Variants in ADAMTSL1 observed in about 807,000 individuals in gnomAD.
ADAMTSL1 encodes ADAMTS like 1.
Under a neutral mutation model 201.8 loss-of-function variants are expected in ADAMTSL1, and 126 were observed. The observed-to-expected ratio is 0.62, with a 90% confidence interval of 0.54 to 0.72. The LOEUF (loss-of-function observed/expected upper bound fraction) is 0.72, where lower values mean the gene tolerates loss of function less well. Ranked by LOEUF, ADAMTSL1 falls within the 30% of genes least tolerant of loss-of-function variation. ADAMTSL1 has a pLI of 0.00. For missense variants in ADAMTSL1, 2,679 were observed against 2,277.8 expected, an observed-to-expected ratio of 1.18 and a Z score of -3.59; for synonymous variants, 1,121 against 903.4, an observed-to-expected ratio of 1.24 and a Z score of -4.32.
intron 25 of ADAMTSL1, chr9:18,890,909 A>T: frequency 4.2e-6 from 1 of 235,702 alleles, no homozygotes; most frequent in South Asian, 5.2e-5. Context: ...TGATGGTCAG[A>T]GTCAATCAGC....
Position 18,072,321 on chromosome 9 carries a change from A to G in ADAMTSL1, c.88-91541A>G, listed in dbSNP as rs923967599. Among the ~76,000 whole-genome samples the G allele has an allele frequency of 3.9e-5, 6 of 152,212 alleles. No individual in the cohort carries two copies. In the South Asian group the frequency reaches 8.3e-4, roughly 21 times the overall value. The stretch of plus-strand genomic sequence containing the variant: ...TTGCTGAGGGTGCAGCAACAGGAAT[A>G]AAACAAAGATGGCTGTCCAATGTGA... On this transcript the variant is annotated intron_variant, in intron 1 of 29. Coordinates refer to the ADAMTSL1 transcript ENST00000680146.
chr9:18,652,521 G>A (rs1303380636), intron 7 of ADAMTSL1, among the ~76,000 whole-genome samples: 1 of 152,134 alleles, frequency 6.6e-6, no homozygotes, highest in Non-Finnish European at 1.5e-5. Flanking sequence ...TATGCATTCA[G>A]TAGAAAATTT....
At position 18,120,452 on chromosome 9, in the gene ADAMTSL1, T is replaced by C. The variant is rs565449366; in HGVS notation, c.88-43410T>C. Among the ~76,000 whole-genome samples, 512 of 152,312 alleles carry C rather than the reference T, an allele frequency of 3.4e-3. 2 individuals are homozygous for C. Among genetic ancestry groups the C allele is most frequent in the Non-Finnish European group, 5.6e-3 (380 of 68,022 alleles). On this transcript the variant is annotated intron_variant, in intron 1 of 29. Coordinates refer to the ADAMTSL1 transcript ENST00000680146. ...GTGTCAGGACTAGAGGTAGGAATTG[T>C]TGGGGGGGACCCTGGAGGCTGCCTA...
At chr9:18,078,687 G>C (rs1039509034) in intron 1 of ADAMTSL1, among the ~76,000 whole-genome samples, 1 of 152,112 alleles carries the variant, frequency 6.6e-6, no homozygotes, top group Non-Finnish European at 1.5e-5. Flanking sequence ...GTAACCCCTA[G>C]GATGTAGGCA....
chr9:17,919,867 A>C (rs1384820925), intron 1 of ADAMTSL1, among the ~76,000 whole-genome samples: 1 of 152,116 alleles, frequency 6.6e-6, no homozygotes, highest in African/African-American at 2.4e-5. Flanking sequence ...TAAATAGTAC[A>C]CTATATTTAA....
intron 2 of ADAMTSL1, among the ~76,000 whole-genome samples, chr9:18,218,726 TG>T (rs141886172): frequency 0.021 from 3,214 of 152,184 alleles, 117 homozygotes; most frequent in African/African-American, 0.073. Flanking sequence ...TTTTTATTTA[TG>T]TTTTTGGAGC....
chr9:18,225,695 G>T (rs1830412441), intron 2 of ADAMTSL1, among the ~76,000 whole-genome samples: 1 of 152,030 alleles, frequency 6.6e-6, no homozygotes, highest in Admixed American at 6.6e-5. Flanking sequence ...GATTTGTTCA[G>T]AAGTATTTTT....
intron 7 of ADAMTSL1, among the ~76,000 whole-genome samples, chr9:18,641,669 G>T (rs776754): frequency 0.63 from 95,008 of 151,840 alleles, 30,033 homozygotes; most frequent in East Asian, 0.79. Context: ...AACTTTAAAA[G>T]GAGCCAGATT....
intron 2 of ADAMTSL1, among the ~76,000 whole-genome samples, chr9:18,211,820 T>C (rs555003045): frequency 6.6e-6 from 1 of 152,218 alleles, no homozygotes; most frequent in Non-Finnish European, 1.5e-5. Flanking sequence ...GAAAATCAGA[T>C]AGTGAAACTT....
In ADAMTSL1 at chr9:18,754,403, A is replaced by G. The variant is rs147000652; in HGVS notation, c.2217+895A>G. ...AATCTTATTTTGCAGTTTGCTCCCTATTAGGACATAAGACACTGCTTTAAA... is the reference window on the plus strand; with the variant it reads ...AATCTTATTTTGCAGTTTGCTCCCTGTTAGGACATAAGACACTGCTTTAAA... On this transcript the variant is annotated intron_variant, in intron 16 of 28. Transcript: ENST00000380548. 1.0e-3 allele frequency among the ~76,000 whole-genome samples: 154 copies of G among 152,286 alleles called. 1 individual carries two copies. The highest frequency in any genetic ancestry group is 1.3e-3 in the Non-Finnish European group (88 of 68,014).
chr9:18,701,837 T>C (rs905676698), intron 13 of ADAMTSL1, among the ~76,000 whole-genome samples: 10 of 151,926 alleles, frequency 6.6e-5, no homozygotes, highest in Admixed American at 6.5e-4. Context: ...AAAACAAACA[T>C]ATATGAGAAA....
At chr9:18,153,860 A>G (rs1031919663) in intron 1 of ADAMTSL1, among the ~76,000 whole-genome samples, 1 of 152,006 alleles carries the variant, frequency 6.6e-6, no homozygotes, top group African/African-American at 2.4e-5. Context: ...ACTTATATTG[A>G]GGAAGGAGAT....
At chr9:18,305,189 T>G (rs1276384776) in intron 2 of ADAMTSL1, among the ~76,000 whole-genome samples, 1 of 152,208 alleles carries the variant, frequency 6.6e-6, no homozygotes, top group African/African-American at 2.4e-5. Flanking sequence ...TACTATGCTT[T>G]TCCCATGGTC....
intron 11 of ADAMTSL1, 25 bp downstream of exon 11, chr9:18,680,541 C>A: frequency 6.2e-7 from 1 of 1,611,052 alleles, no homozygotes; most frequent in South Asian, 1.1e-5. Flanking sequence ...TTTCTTTGTT[C>A]ATTAGGAGAG....
intron 1 of ADAMTSL1, among the ~76,000 whole-genome samples, chr9:17,937,255 G>A (rs914278114): frequency 6.6e-6 from 1 of 152,104 alleles, no homozygotes; most frequent in Admixed American, 6.5e-5. Context: ...ATGTTGGCCT[G>A]ATCATTCATC....
chr9:18,500,722 T>A (rs1822786122), intron 1 of ADAMTSL1, among the ~76,000 whole-genome samples: 1 of 152,216 alleles, frequency 6.6e-6, no homozygotes, highest in Non-Finnish European at 1.5e-5. Context: ...AAATAGTTGC[T>A]GTAATAAGAA....
intron 1 of ADAMTSL1, among the ~76,000 whole-genome samples, chr9:18,476,565 C>T (rs542663672): frequency 2.0e-5 from 3 of 152,128 alleles, no homozygotes; most frequent in Non-Finnish European, 4.4e-5. Flanking sequence ...AGATTGTGAC[C>T]TTTAGCCTGT....
rs56662538 is a variant in ADAMTSL1, at chr9:18,655,806, T to TAAAAAAAAAAAAAAAAAA, written c.835-1819_835-1802dup. ...AGAGAGCTAGAGGCTTTTGTGAGCT[T>TAAAAAAAAAAAAAAAAAA]AAAAAAAAAAAAAAAAAAAAAAAAA... is the stretch of plus-strand genomic sequence containing the variant. On this transcript the variant is annotated intron_variant, in intron 7 of 28. Coordinates refer to ENST00000380548, the MANE Select transcript of ADAMTSL1 (RefSeq NM_001040272.6). 8.0e-3 allele frequency among the ~76,000 whole-genome samples: 651 copies of TAAAAAAAAAAAAAAAAAA among 81,822 alleles called. 22 individuals carry two copies. The highest frequency in any genetic ancestry group is 9.7e-3 in the African/African-American group (147 of 15,102). 53.7% of individuals were successfully genotyped at this position (81,822 alleles called of 152,430 possible).
At chr9:18,573,018 G>A (rs1473877070) in intron 3 of ADAMTSL1, among the ~76,000 whole-genome samples, 1 of 152,120 alleles carries the variant, frequency 6.6e-6, no homozygotes, top group Non-Finnish European at 1.5e-5. Flanking sequence ...AATCTTACCT[G>A]CTTTTACTGA....
Sources: gnomAD v4.1 joint callset for allele counts (sites outside exome capture counted in the v4.1 genomes callset) on GRCh38, gnomAD v4.1.1 for gene constraint, MANE v1.5 for transcripts, NCBI Gene and HGNC (gene_info 2026-07-23, HGNC 2026-07-21) for gene names.